The following UBE2L3 variants were observed in gnomAD, a reference collection of about 807,000 sequenced individuals.
UBE2L3 encodes the protein ubiquitin conjugating enzyme E2 L3, also known as ubiquitin-conjugating enzyme E2 L3.
UBE2L3 carries 1 observed loss-of-function variant against 17.8 expected under a neutral mutation model. The observed-to-expected ratio is 0.06, with a 90% CI of 0.02 to 0.27. The LOEUF (loss-of-function observed/expected upper bound fraction) is 0.27, where lower values mean the gene tolerates loss of function less well. UBE2L3 is among the 10% of genes least tolerant of loss of function. The pLI is 1.00. For missense variants in UBE2L3, 40 were observed against 192.6 expected, an observed-to-expected ratio of 0.21 and a Z score of 4.69; for synonymous variants, 44 against 68.5, an observed-to-expected ratio of 0.64 and a Z score of 1.76.
At chr22:21,560,446 A>ATTTTTT (rs59968738) in intron 1 of UBE2L3, among the ~76,000 whole-genome samples, 9 of 126,244 alleles carry the variant, frequency 7.1e-5, no homozygotes, top group Non-Finnish European at 1.1e-4. Context: ...CTTTAGATCT[A>ATTTTTT]TTTTTTTTTT....
intron 1 of UBE2L3, among the ~76,000 whole-genome samples, chr22:21,556,913 G>A (rs1926250229): frequency 6.6e-6 from 1 of 152,246 alleles, no homozygotes; most frequent in Admixed American, 6.5e-5. Flanking sequence ...AATTAGCTGG[G>A]CATGGTGGCA....
intron 2 of UBE2L3, among the ~76,000 whole-genome samples, chr22:21,604,126 A>G (rs1929022050): frequency 6.6e-6 from 1 of 152,156 alleles, no homozygotes; most frequent in South Asian, 2.1e-4. Context: ...CTTCCTCAAT[A>G]CAGCAGTATG....
intron 3 of UBE2L3, among the ~76,000 whole-genome samples, chr22:21,619,284 C>T (rs1413074619): frequency 1.3e-5 from 2 of 152,158 alleles, no homozygotes; most frequent in Non-Finnish European, 2.9e-5. Context: ...GGCCTGCTGC[C>T]TCTAGAGGTA....
chr22:21,616,555 G>C (rs1182115690), intron 3 of UBE2L3, among the ~76,000 whole-genome samples: 3 of 151,908 alleles, frequency 2.0e-5, no homozygotes, highest in Non-Finnish European at 4.4e-5. Context: ...AGGAAGCTGA[G>C]GCAGGAGAAT....
At chr22:21,577,967 C>T (rs185423724) in intron 1 of UBE2L3, among the ~76,000 whole-genome samples, 2 of 152,182 alleles carry the variant, frequency 1.3e-5, no homozygotes, top group African/African-American at 4.8e-5. Context: ...ACCTGACTCA[C>T]GGTGAGGAAG....
intron 2 of UBE2L3, among the ~76,000 whole-genome samples, chr22:21,601,691 G>C (rs1248072960): frequency 1.3e-5 from 2 of 151,942 alleles, no homozygotes; most frequent in African/African-American, 4.8e-5. Flanking sequence ...GGCAGGGCCA[G>C]GCACGGTGGC....
chr22:21,604,020 T>G (rs1484922850), intron 2 of UBE2L3, among the ~76,000 whole-genome samples: 1 of 147,820 alleles, frequency 6.8e-6, no homozygotes, highest in East Asian at 2.1e-4. Flanking sequence ...TAAGCAATCC[T>G]CCCACCTCGG....
At chr22:21,581,468 G>A (rs992115660) in intron 1 of UBE2L3, among the ~76,000 whole-genome samples, 1 of 152,084 alleles carries the variant, frequency 6.6e-6, no homozygotes, top group African/African-American at 2.4e-5. Flanking sequence ...GGGATTATAG[G>A]TGTGAGCCAC....
At chr22:21,572,631 G>C (rs997274895) in intron 1 of UBE2L3, among the ~76,000 whole-genome samples, 8 of 152,006 alleles carry the variant, frequency 5.3e-5, no homozygotes, top group African/African-American at 1.7e-4. Flanking sequence ...GTAAATGTGA[G>C]AGCCACATTT....
Position 21,570,954 on chromosome 22 carries a change from T to A in UBE2L3, c.27+3183T>A, listed in dbSNP as rs144894657. 1.5e-3 allele frequency among the ~76,000 whole-genome samples: 225 copies of A among 152,360 alleles called. 1 individual carries two copies. The highest frequency in any genetic ancestry group is 5.2e-3 in the African/African-American group (215 of 41,584). ...CAAAGATTTCTTTGTAACAATGGACTGTCTGCAGATAGTGTAAAACACATT... is the reference window on the plus strand; with the variant it reads ...CAAAGATTTCTTTGTAACAATGGACAGTCTGCAGATAGTGTAAAACACATT... On this transcript the variant is annotated intron_variant, in intron 1 of 3. Transcript: ENST00000342192.
At chr22:21,590,525 G>A (rs1234453134) in intron 1 of UBE2L3, among the ~76,000 whole-genome samples, 1 of 152,256 alleles carries the variant, frequency 6.6e-6, no homozygotes, top group Non-Finnish European at 1.5e-5. Context: ...CTGTTGGAGT[G>A]TGGATTTCTG....
At chr22:21,599,464 G>A (rs1928738274) in intron 2 of UBE2L3, among the ~76,000 whole-genome samples, 1 of 152,014 alleles carries the variant, frequency 6.6e-6, no homozygotes, top group African/African-American at 2.4e-5. Context: ...AAGGTTCTAT[G>A]GACAGAGGCC....
intron 2 of UBE2L3, among the ~76,000 whole-genome samples, chr22:21,598,865 C>T (rs533734225): frequency 1.1e-3 from 159 of 150,182 alleles, no homozygotes; most frequent in African/African-American, 3.2e-3. Flanking sequence ...TTTTTTGAGA[C>T]AGAGTCACTC....
At chr22:21,608,404 C>G (rs572653284) in intron 2 of UBE2L3, among the ~76,000 whole-genome samples, 1 of 152,020 alleles carries the variant, frequency 6.6e-6, no homozygotes, top group Non-Finnish European at 1.5e-5. Flanking sequence ...CACATGCCAC[C>G]ATGCCAGGCC....
At position 21,573,340 on chromosome 22, in the gene UBE2L3, C is replaced by T. The variant is rs140297589; in HGVS notation, c.27+5569C>T. The stretch of plus-strand genomic sequence containing the variant: ...ACTTGCCCGTTGAGTCCCCTAAAAA[C>T]AGCATGCTTTGCACACACACTCTGG... On this transcript the variant is annotated intron_variant, in intron 1 of 3. Coordinates refer to ENST00000342192, the MANE Select transcript of UBE2L3 (RefSeq NM_003347.4). 1.3e-4 allele frequency among the ~76,000 whole-genome samples: 20 copies of T among 152,262 alleles called. No homozygotes were observed. The East Asian group carries it at 3.7e-3, about 28-fold the overall frequency.
intron 2 of UBE2L3, among the ~76,000 whole-genome samples, chr22:21,599,407 T>A (rs1928735810): frequency 6.6e-6 from 1 of 152,012 alleles, no homozygotes; most frequent in South Asian, 2.1e-4. Context: ...AGAAAGAGTA[T>A]CCCCCTACAT....
chr22:21,615,976 T>C (rs1929750342), intron 3 of UBE2L3, among the ~76,000 whole-genome samples: 1 of 152,218 alleles, frequency 6.6e-6, no homozygotes, highest in Admixed American at 6.5e-5. Flanking sequence ...GGTCATGATA[T>C]GCCTTTTGGA....
chr22:21,592,123 G>A (rs185279163), intron 1 of UBE2L3, among the ~76,000 whole-genome samples: 186 of 152,330 alleles, frequency 1.2e-3, no homozygotes, highest in Middle Eastern at 6.8e-3. Context: ...GGCACTTGCT[G>A]CATTGACTGT....
At chr22:21,611,620 G>A (rs955281657) in intron 3 of UBE2L3, among the ~76,000 whole-genome samples, 3 of 152,186 alleles carry the variant, frequency 2.0e-5, no homozygotes, top group Admixed American at 6.5e-5. Context: ...GTGGCTGTGC[G>A]TGGTGCACAT....
Sources: allele counts gnomAD v4.1 joint callset (sites outside exome capture counted in the v4.1 genomes callset), GRCh38; gene constraint gnomAD v4.1.1; transcripts MANE v1.5; gene names NCBI Gene and HGNC (gene_info 2026-07-23, HGNC 2026-07-21).